Variants in PEAK1 observed in about 807,000 individuals in gnomAD.
The protein encoded by PEAK1 is pseudopodium enriched atypical kinase 1, also known as inactive tyrosine-protein kinase PEAK1.
PEAK1 carries 54 observed loss-of-function variants against 124.7 expected under a neutral mutation model. That is an observed-to-expected ratio of 0.43 (90% CI 0.35 to 0.54). PEAK1 has a LOEUF of 0.54. Among genes scored for constraint, PEAK1 ranks in the 20% least tolerant of loss-of-function variants. The probability of loss-of-function intolerance (pLI) is 0.01; values close to 1 mark genes in which losing one functional copy is unlikely to be tolerated. For synonymous variants in PEAK1, 719 were observed against 760.0 expected (o/e 0.95, Z 0.89); for missense variants, 2,046 against 2,134.5 (o/e 0.96, Z 0.82).
At chr15:77,338,745 T>C (rs1220396685) in intron 2 of PEAK1, among the ~76,000 whole-genome samples, 3 of 151,854 alleles carry the variant, frequency 2.0e-5, no homozygotes, top group East Asian at 1.9e-4. Flanking sequence ...CTTTAAAGGA[T>C]TGAAAAACTT....
At chr15:77,238,040 T>C (rs2060199799) in intron 6 of PEAK1, among the ~76,000 whole-genome samples, 1 of 152,208 alleles carries the variant, frequency 6.6e-6, no homozygotes, top group Non-Finnish European at 1.5e-5. Flanking sequence ...AGCTTCTGTA[T>C]TTTCTTTTCC....
intron 1 of PEAK1, among the ~76,000 whole-genome samples, chr15:77,371,869 G>A (rs2068666776): frequency 2.6e-5 from 4 of 152,224 alleles, no homozygotes; most frequent in Admixed American, 2.0e-4. Flanking sequence ...GGGAGACAGA[G>A]GAAGACTCTG....
chr15:77,320,157 T>G (rs1448322606), intron 2 of PEAK1, among the ~76,000 whole-genome samples: 1 of 152,152 alleles, frequency 6.6e-6, no homozygotes, highest in Non-Finnish European at 1.5e-5. Context: ...CTGGTGACCT[T>G]AGTTTCTCTT....
intron 2 of PEAK1, among the ~76,000 whole-genome samples, chr15:77,344,188 G>C (rs919986816): frequency 6.6e-6 from 1 of 152,054 alleles, no homozygotes; most frequent in Non-Finnish European, 1.5e-5. Context: ...TCCGCCTCCC[G>C]GGTTCACGCC....
intron 2 of PEAK1, among the ~76,000 whole-genome samples, chr15:77,310,144 T>C (rs1369490133): frequency 1.3e-5 from 2 of 152,188 alleles, no homozygotes; most frequent in Non-Finnish European, 2.9e-5. Flanking sequence ...GTGGCTGGAC[T>C]AAAACTCAGT....
intron 7 of PEAK1, among the ~76,000 whole-genome samples, chr15:77,162,135 C>G (rs2055703270): frequency 6.6e-6 from 1 of 151,802 alleles, no homozygotes; most frequent in African/African-American, 2.4e-5. Flanking sequence ...ACAGACAAAT[C>G]ATTCAGGAAG....
At chr15:77,379,091 T>C (rs1442094340) in intron 1 of PEAK1, among the ~76,000 whole-genome samples, 1 of 152,176 alleles carries the variant, frequency 6.6e-6, no homozygotes, top group African/African-American at 2.4e-5. Flanking sequence ...GTTATATTGG[T>C]AATAAATGTG....
intron 5 of PEAK1, among the ~76,000 whole-genome samples, chr15:77,260,258 T>C (rs1219509747): frequency 6.6e-6 from 1 of 152,210 alleles, no homozygotes; most frequent in Non-Finnish European, 1.5e-5. Flanking sequence ...CAAACTAATC[T>C]GTACTTAACA....
At chr15:77,342,120 G>T (rs2066574139) in intron 2 of PEAK1, among the ~76,000 whole-genome samples, 1 of 147,140 alleles carries the variant, frequency 6.8e-6, no homozygotes. Flanking sequence ...TTAATGAACA[G>T]TTATTGAATG....
At chr15:77,223,680 A>G (rs1021179633) in intron 6 of PEAK1, among the ~76,000 whole-genome samples, 2 of 152,074 alleles carry the variant, frequency 1.3e-5, no homozygotes, top group African/African-American at 4.8e-5. Context: ...AATGCATTTG[A>G]CCATAGAGAG....
chr15:77,178,874 C>T lies in PEAK1; in HGVS notation c.3053G>A (p.Gly1018Asp). The T allele has an allele frequency of 1.2e-6, 2 of 1,614,162 alleles. No homozygotes were observed. Among genetic ancestry groups the T allele is most frequent in the Non-Finnish European group, 1.7e-6 (2 of 1,180,022 alleles). ...CTGTAGTAATGCATTCTCTGCTCTA[C>T]CCTTCTCCATGACTGCTGCCTGGTC... ...RTDQAAVMEKGRAENALLQDS... is the reference protein window; with the variant it reads ...RTDQAAVMEKDRAENALLQDS... The change falls in exon 7 of 10, where the codon GGT (glycine) becomes GAT (aspartate). Residue 1018 changes from glycine (G) to aspartate (D), a missense_variant. Gly to Asp is a moderately conservative substitution (Grantham distance 94). Coordinates refer to ENST00000682557, the MANE Select transcript of PEAK1 (RefSeq NM_001385026.1).
intron 1 of PEAK1, chr15:77,404,375 C>T (rs1377831681): frequency 5.2e-6 from 5 of 963,414 alleles, no homozygotes; most frequent in East Asian, 2.3e-4. Context: ...ATCTGAAATG[C>T]AGCCAGTCTG....
At position 77,114,692 on chromosome 15, in the gene PEAK1, C is replaced by T. The variant is rs759013797; in HGVS notation, c.4705G>A (p.Glu1569Lys). ...AGGCGAGACTGGTCCCGGAGGATCT[C>T]GGGGTCCACCAGATGGCTCTTCTGC... is the stretch of plus-strand genomic sequence containing the variant. Reference protein sequence around the residue: ...AKQKSHLVDPEILRDQSRLAP... With the variant: ...AKQKSHLVDPKILRDQSRLAP... Residue 1569 changes from glutamate (E) to lysine (K), a missense_variant, in exon 10 of 10, where the codon GAG becomes AAG. Physicochemically the swap from Glu to Lys is moderately conservative, Grantham distance 56. Coordinates refer to ENST00000682557, the MANE Select transcript of PEAK1 (RefSeq NM_001385026.1). The T allele has an allele frequency of 9.9e-6, 16 of 1,613,490 alleles. No individual in the cohort carries two copies. Among genetic ancestry groups the T allele is most frequent in the African/African-American group, 9.4e-5 (7 of 74,744 alleles).
chr15:77,176,749 A>G (rs2056900915), intron 7 of PEAK1, among the ~76,000 whole-genome samples: 1 of 152,208 alleles, frequency 6.6e-6, no homozygotes, highest in Non-Finnish European at 1.5e-5. Context: ...AAGCCTATAT[A>G]CCGTGGCATG....
chr15:77,239,829 C>G (rs534130173), intron 6 of PEAK1: 2 of 984,846 alleles, frequency 2.0e-6, no homozygotes, highest in African/African-American at 1.7e-5. Flanking sequence ...TTTCAAAGAC[C>G]ACTCTCTAGG....
At chr15:77,321,159 CT>C (rs1433671157) in intron 2 of PEAK1, among the ~76,000 whole-genome samples, 1 of 152,114 alleles carries the variant, frequency 6.6e-6, no homozygotes, top group African/African-American at 2.4e-5. Context: ...ATTTATAATC[CT>C]TTGGGTATAT....
intron 7 of PEAK1, among the ~76,000 whole-genome samples, chr15:77,165,465 TG>T (rs1260352738): frequency 6.6e-6 from 1 of 152,088 alleles, no homozygotes; most frequent in Non-Finnish European, 1.5e-5. Flanking sequence ...CCAAAGTACT[TG>T]GACTACAGGA....
intron 8 of PEAK1, among the ~76,000 whole-genome samples, chr15:77,142,201 T>C (rs1005712831): frequency 1.3e-5 from 2 of 152,170 alleles, no homozygotes; most frequent in Admixed American, 6.5e-5. Context: ...AGAAGATATA[T>C]AAATGGCCAG....
At chr15:77,285,515 C>T (rs924553359) in intron 3 of PEAK1, among the ~76,000 whole-genome samples, 1 of 152,184 alleles carries the variant, frequency 6.6e-6, no homozygotes, top group African/African-American at 2.4e-5. Flanking sequence ...AACATTGTGA[C>T]ATAATGGAAG....
Sources: gnomAD v4.1 joint callset for allele counts (sites outside exome capture counted in the v4.1 genomes callset) on GRCh38, gnomAD v4.1.1 for gene constraint, MANE v1.5 for transcripts, NCBI Gene and HGNC (gene_info 2026-07-23, HGNC 2026-07-21) for gene names.